GRIP1: variants seen among roughly 807,000 people sequenced by gnomAD.
The protein encoded by GRIP1 is glutamate receptor interacting protein 1.
In GRIP1, 45 loss-of-function variants were observed where a neutral mutation model predicts 129.9. The ratio of observed to expected loss-of-function variants is 0.35; its 90% CI spans 0.27 to 0.44. GRIP1 has a LOEUF of 0.44. GRIP1 is among the 20% of genes least tolerant of loss of function. The pLI is 1.00. For synonymous variants in GRIP1, 530 were observed against 520.8 expected, an observed-to-expected ratio of 1.02 and a Z score of -0.24; for missense variants, 1,196 against 1,396.8, an observed-to-expected ratio of 0.86 and a Z score of 2.29.
At chr12:66,733,391 T>G (rs1364516592) in intron 1 of GRIP1, among the ~76,000 whole-genome samples, 1 of 152,118 alleles carries the variant, frequency 6.6e-6, no homozygotes, top group Non-Finnish European at 1.5e-5. Context: ...TAATAAGATA[T>G]GAGTGGATGT....
intron 7 of GRIP1, among the ~76,000 whole-genome samples, chr12:66,478,845 C>T (rs2059707250): frequency 6.6e-6 from 1 of 152,066 alleles, no homozygotes; most frequent in African/African-American, 2.4e-5. Context: ...CACTTGGACA[C>T]AGGAAGGGGA....
At chr12:66,768,178 C>T (rs2037705130) in intron 1 of GRIP1, among the ~76,000 whole-genome samples, 1 of 152,124 alleles carries the variant, frequency 6.6e-6, no homozygotes, top group Non-Finnish European at 1.5e-5. Flanking sequence ...TTTGCTCCTG[C>T]TTATAGGAGG....
intron 1 of GRIP1, among the ~76,000 whole-genome samples, chr12:67,018,240 C>A (rs1448106957): frequency 6.6e-6 from 1 of 152,148 alleles, no homozygotes; most frequent in South Asian, 2.1e-4. Context: ...ACCAGCAAGA[C>A]AGGCTTTCCC....
chr12:66,873,221 C>A (rs2040325951), intron 1 of GRIP1, among the ~76,000 whole-genome samples: 1 of 151,956 alleles, frequency 6.6e-6, no homozygotes, highest in African/African-American at 2.4e-5. Context: ...AGTGATAATA[C>A]CAGCATACTT....
At chr12:66,693,383 C>T (rs936479731) in intron 1 of GRIP1, among the ~76,000 whole-genome samples, 19 of 152,186 alleles carry the variant, frequency 1.2e-4, no homozygotes, top group Non-Finnish European at 4.4e-5. Context: ...TTCCCGCATG[C>T]AACTCTCAGT....
intron 16 of GRIP1, among the ~76,000 whole-genome samples, chr12:66,402,174 T>C (rs1022574838): frequency 2.0e-5 from 3 of 152,242 alleles, no homozygotes; most frequent in Non-Finnish European, 4.4e-5. Context: ...AATCTTTTCC[T>C]TGAGGTCCTC....
intron 1 of GRIP1, among the ~76,000 whole-genome samples, chr12:67,058,905 G>T (rs959660550): frequency 2.0e-5 from 3 of 152,190 alleles, no homozygotes; most frequent in Admixed American, 2.0e-4. Context: ...AAAAAGGAAA[G>T]GAGGAGCAAA....
intron 1 of GRIP1, among the ~76,000 whole-genome samples, chr12:66,874,657 C>G (rs78591621): frequency 6.6e-6 from 1 of 152,060 alleles, no homozygotes; most frequent in South Asian, 2.1e-4. Flanking sequence ...GAGAGAGACG[C>G]GGCAGGTGCT....
At chr12:66,853,551 T>C (rs1489096706) in intron 1 of GRIP1, among the ~76,000 whole-genome samples, 1 of 152,108 alleles carries the variant, frequency 6.6e-6, no homozygotes, top group Non-Finnish European at 1.5e-5. Flanking sequence ...GAGTTCTGCA[T>C]CTTTATAAAT....
rs896219718 is a variant in GRIP1, at chr12:66,708,778, T to C, written c.-419-78442A>G. On this transcript the variant is annotated intron_variant, in intron 1 of 4. Coordinates refer to the GRIP1 transcript ENST00000538373. ...GTGGTTTGCTGCACCCATCAACCCA[T>C]CACTTACATTTTAAAATCCACAAAC... Among the ~76,000 whole-genome samples the C allele has an allele frequency of 7.2e-5, 9 of 125,480 alleles. No individual in the cohort carries two copies. The Admixed American group carries it at 8.0e-4, about 11-fold the overall frequency. 82.3% of individuals were successfully genotyped at this position (125,480 alleles called of 152,430 possible). A position where few individuals can be genotyped will look rare whatever the true frequency, so the allele number is the denominator to read the frequency against.
chr12:66,955,563 A>G (rs1235515255), intron 1 of GRIP1, among the ~76,000 whole-genome samples: 1 of 134,522 alleles, frequency 7.4e-6, no homozygotes, highest in Non-Finnish European at 1.5e-5. Context: ...GCTGGAGTGC[A>G]GTGGTGCAAT....
chr12:66,456,247 G>A lies in GRIP1; in HGVS notation c.1138C>T (p.Pro380Ser), dbSNP rs2058959609. ...AGGGCTGGTACTCTGCAATGGTCAGGGTGGTACGTGTTATAGTGATGGTTG... is the reference window on the plus strand; with the variant it reads ...AGGGCTGGTACTCTGCAATGGTCAGAGTGGTACGTGTTATAGTGATGGTTG... The part of the protein sequence containing the change: ...HTNHHYNTYH[P>S]DHCRVPALTF... Residue 380 changes from proline (P) to serine (S), a missense_variant, in exon 10 of 25, where the codon CCT (proline) becomes TCT (serine). This residue lies in a region of GRIP1 where 508 missense variants were observed against 587.0 expected (regional missense o/e 0.87). Transcript: ENST00000359742. The A allele has an allele frequency of 7.8e-7, 1 of 1,289,192 alleles. No homozygotes were observed. The highest frequency in any genetic ancestry group is 1.5e-5 in the African/African-American group (1 of 65,828). 79.9% of individuals were successfully genotyped at this position (1,289,192 alleles called of 1,614,324 possible).
chr12:66,655,371 G>C (rs186866609), intron 1 of GRIP1, among the ~76,000 whole-genome samples: 1 of 152,012 alleles, frequency 6.6e-6, no homozygotes, highest in African/African-American at 2.4e-5. Flanking sequence ...AAAGGGTACC[G>C]AGATTTCCCA....
Position 66,643,095 on chromosome 12 carries a change from T to G in GRIP1, c.55+35755A>C, listed in dbSNP as rs1370933723. ...AGCAGATTGGCATGGATTAAAGAAG[T>G]TCATAATATCCAGGGGCACTGAGAT... On this transcript the variant is annotated intron_variant, in intron 1 of 24. Coordinates refer to ENST00000359742, the MANE Select transcript of GRIP1 (RefSeq NM_001366722.1). 5.3e-5 allele frequency among the ~76,000 whole-genome samples: 8 copies of G among 152,210 alleles called. No homozygotes were observed. The East Asian group carries it at 1.5e-3, about 29-fold the overall frequency.
intron 1 of GRIP1, among the ~76,000 whole-genome samples, chr12:66,771,718 G>C (rs1306266295): frequency 6.6e-6 from 1 of 152,168 alleles, no homozygotes; most frequent in East Asian, 1.9e-4. Context: ...AGAGTCTCCT[G>C]CTGTTGGTTT....
chr12:67,021,468 A>C (rs1291011588), intron 1 of GRIP1, among the ~76,000 whole-genome samples: 1 of 152,216 alleles, frequency 6.6e-6, no homozygotes, highest in African/African-American at 2.4e-5. Flanking sequence ...TTTTTTAATT[A>C]CTGAGTAGTG....
At chr12:66,642,704 A>C (rs1455997597) in intron 1 of GRIP1, among the ~76,000 whole-genome samples, 2 of 152,180 alleles carry the variant, frequency 1.3e-5, no homozygotes, top group Non-Finnish European at 2.9e-5. Flanking sequence ...ATTATGAACA[A>C]TGATTCTAAA....
intron 1 of GRIP1, among the ~76,000 whole-genome samples, chr12:67,030,734 C>G (rs1257874472): frequency 6.6e-6 from 1 of 152,206 alleles, no homozygotes; most frequent in Non-Finnish European, 1.5e-5. Flanking sequence ...AACCCCCTAT[C>G]ATTTCTAGTT....
chr12:66,595,504 G>A (rs1002994692), intron 2 of GRIP1, among the ~76,000 whole-genome samples: 1 of 152,230 alleles, frequency 6.6e-6, no homozygotes, highest in Admixed American at 6.5e-5. Context: ...ACCAGTGAAT[G>A]TAGGGTAGCC....
Sources: allele counts gnomAD v4.1 joint callset (sites outside exome capture counted in the v4.1 genomes callset), GRCh38; gene constraint gnomAD v4.1.1; regional missense constraint gnomAD v4.1.1; transcripts MANE v1.5; gene names NCBI Gene and HGNC (gene_info 2026-07-23, HGNC 2026-07-21).